PDE7B: variants seen among roughly 807,000 people sequenced by gnomAD.
The protein encoded by PDE7B is 3',5'-cyclic-AMP phosphodiesterase 7B.
In PDE7B, 29 loss-of-function variants were observed where a neutral mutation model predicts 56.2. The ratio of observed to expected loss-of-function variants is 0.52; its 90% CI spans 0.38 to 0.70. The LOEUF (loss-of-function observed/expected upper bound fraction) is 0.70. Ranked by LOEUF, PDE7B falls within the 30% of genes least tolerant of loss-of-function variation. PDE7B has a pLI of 0.00. For missense variants in PDE7B, 490 were observed against 565.0 expected (o/e 0.87, Z 1.35); for synonymous variants, 197 against 196.9 (o/e 1.00, Z 0.00).
chr6:136,134,658 C>T (rs761549488), intron 3 of PDE7B, among the ~76,000 whole-genome samples: 1 of 136,382 alleles, frequency 7.3e-6, no homozygotes, highest in Non-Finnish European at 1.6e-5. Flanking sequence ...AAAAAGGAAA[C>T]AATAGTTTTC....
intron 8 of PDE7B, among the ~76,000 whole-genome samples, chr6:136,160,819 C>A (rs1182371205): frequency 6.6e-6 from 1 of 152,128 alleles, no homozygotes; most frequent in Non-Finnish European, 1.5e-5. Context: ...CCAAACATAT[C>A]ACTCAATTCT....
intron 2 of PDE7B, among the ~76,000 whole-genome samples, chr6:135,949,494 AT>A (rs930252772): frequency 5.8e-4 from 88 of 152,230 alleles, no homozygotes; most frequent in African/African-American, 2.0e-3. Flanking sequence ...AAATGCATTT[AT>A]ATAAATCAGT....
intron 3 of PDE7B, among the ~76,000 whole-genome samples, chr6:136,128,968 A>G (rs887821206): frequency 6.6e-6 from 1 of 152,010 alleles, no homozygotes; most frequent in Non-Finnish European, 1.5e-5. Flanking sequence ...GCCCCCTTCC[A>G]TCAGAACTTA....
chr6:136,086,345 CTTTTA>C lies in PDE7B; in HGVS notation c.83-22382_83-22378del, dbSNP rs1454006559. The stretch of plus-strand genomic sequence containing the variant: ...CAGTATCTAATGCTTTTCTTAATGG[CTTTTA>C]TTTATTTTATTTTTTGGGGTGGGGG... On this transcript the variant is annotated intron_variant, in intron 2 of 12. Coordinates refer to ENST00000308191, the MANE Select transcript of PDE7B (RefSeq NM_018945.4). Among the ~76,000 whole-genome samples the C allele has an allele frequency of 7.2e-4, 108 of 150,194 alleles. 1 individual carries two copies. Among genetic ancestry groups the C allele is most frequent in the African/African-American group, 2.5e-3 (100 of 40,746 alleles).
At chr6:136,125,860 T>TA (rs1160108887) in intron 3 of PDE7B, among the ~76,000 whole-genome samples, 1 of 152,096 alleles carries the variant, frequency 6.6e-6, no homozygotes, top group Admixed American at 6.6e-5. Flanking sequence ...GAAAGACTTC[T>TA]AACCCTCTCA....
intron 1 of PDE7B, among the ~76,000 whole-genome samples, chr6:135,946,780 A>G (rs1430403066): frequency 6.6e-6 from 1 of 152,086 alleles, no homozygotes; most frequent in African/African-American, 2.4e-5. Flanking sequence ...TGAAAGATTT[A>G]TGTATACATT....
Position 136,192,234 on chromosome 6 carries a change from T to C in PDE7B, c.*394T>C, listed in dbSNP as rs1779242616. 5.1e-6 allele frequency: 1 copy of C among 195,440 alleles called. No individual in the cohort carries two copies. Among genetic ancestry groups the C allele is most frequent in the African/African-American group, 2.3e-5 (1 of 42,846 alleles). The allele number at this position is 195,440 out of a possible 1,614,324, so 12.1% of individuals were successfully genotyped here. ...TTTGCTATCTGACTGCTGATCTGCG[T>C]GACAGAAACACCAGCATATTTGCAA... is the stretch of plus-strand genomic sequence containing the variant. On this transcript the variant is annotated 3_prime_UTR_variant, in exon 13 of 13. Transcript: ENST00000308191.
intron 1 of PDE7B, among the ~76,000 whole-genome samples, chr6:135,856,836 C>T (rs1446201445): frequency 6.6e-6 from 1 of 152,070 alleles, no homozygotes; most frequent in Non-Finnish European, 1.5e-5. Flanking sequence ...AGCTTAAATC[C>T]TTTCATGAAT....
At chr6:135,988,691 T>C (rs1393848294) in intron 2 of PDE7B, among the ~76,000 whole-genome samples, 1 of 152,116 alleles carries the variant, frequency 6.6e-6, no homozygotes, top group East Asian at 1.9e-4. Flanking sequence ...TCTGATCAAG[T>C]GGGTAAAAGG....
intron 2 of PDE7B, chr6:136,034,724 C>T: frequency 6.1e-6 from 1 of 164,086 alleles, no homozygotes; most frequent in Non-Finnish European, 1.3e-5. Flanking sequence ...CCCTTCCGTG[C>T]AGCCATCATG....
At chr6:135,930,747 A>G (rs1051358253) in intron 1 of PDE7B, among the ~76,000 whole-genome samples, 8 of 152,178 alleles carry the variant, frequency 5.3e-5, no homozygotes, top group African/African-American at 1.9e-4. Context: ...CAATGCTATA[A>G]AAATTATTTT....
intron 2 of PDE7B, among the ~76,000 whole-genome samples, chr6:135,991,268 C>T (rs956373163): frequency 6.6e-6 from 1 of 152,124 alleles, no homozygotes; most frequent in South Asian, 2.1e-4. Context: ...TTTATCAGGT[C>T]TTTTTCCCAG....
intron 1 of PDE7B, among the ~76,000 whole-genome samples, chr6:135,943,785 G>A (rs944011071): frequency 6.6e-6 from 1 of 152,128 alleles, no homozygotes; most frequent in Non-Finnish European, 1.5e-5. Context: ...ACAATAATGA[G>A]GCATGTTAGG....
chr6:136,038,275 TG>T, intron 2 of PDE7B: 1 of 1,298,124 alleles, frequency 7.7e-7, no homozygotes, highest in Non-Finnish European at 1.0e-6. Flanking sequence ...CCTCCTCTTC[TG>T]GGGCACAAGA....
intron 2 of PDE7B, among the ~76,000 whole-genome samples, chr6:136,042,447 C>T (rs1370849194): frequency 1.3e-5 from 2 of 152,196 alleles, no homozygotes; most frequent in South Asian, 2.1e-4. Flanking sequence ...CCTTTCATTT[C>T]GGTGTCTCTG....
chr6:136,033,527 A>G (rs1776277018), intron 2 of PDE7B, among the ~76,000 whole-genome samples: 3 of 152,084 alleles, frequency 2.0e-5, no homozygotes, highest in South Asian at 4.1e-4. Flanking sequence ...CACAGTTAAT[A>G]TTCATTTGCA....
At chr6:136,046,023 G>GT (rs1258452726) in intron 2 of PDE7B, among the ~76,000 whole-genome samples, 11 of 151,364 alleles carry the variant, frequency 7.3e-5, no homozygotes, top group Non-Finnish European at 1.6e-4. Context: ...ATCTATAAAC[G>GT]TAAGTGACAA....
At chr6:135,994,296 T>C (rs1775527071) in intron 2 of PDE7B, among the ~76,000 whole-genome samples, 1 of 152,098 alleles carries the variant, frequency 6.6e-6, no homozygotes, top group East Asian at 1.9e-4. Context: ...TGAGTTATTT[T>C]ACACTTCATA....
chr6:136,159,287 C>A (rs1583915374), intron 8 of PDE7B, among the ~76,000 whole-genome samples: 1 of 152,248 alleles, frequency 6.6e-6, no homozygotes, highest in South Asian at 2.1e-4. Context: ...AACATAAGCT[C>A]ACAATTTCTA....
Sources: allele counts gnomAD v4.1 joint callset (sites outside exome capture counted in the v4.1 genomes callset), GRCh38; gene constraint gnomAD v4.1.1; transcripts MANE v1.5; gene names NCBI Gene and HGNC (gene_info 2026-07-23, HGNC 2026-07-21).